WBP2NL: variants seen among roughly 807,000 people sequenced by gnomAD.
WBP2NL encodes WBP2 N-terminal like, also known as postacrosomal sheath WW domain-binding protein.
A neutral mutation model predicts 23.3 loss-of-function variants in WBP2NL; 27 were observed. The ratio of observed to expected loss-of-function variants is 1.16; its 90% CI spans 0.85 to 1.60. The LOEUF is 1.60. Among genes scored for constraint, WBP2NL ranks in the 40% most tolerant of loss-of-function variants. The pLI is 0.00. For synonymous variants in WBP2NL, 151 were observed against 145.9 expected, an observed-to-expected ratio of 1.03 and a Z score of -0.25; for missense variants, 370 against 389.5, an observed-to-expected ratio of 0.95 and a Z score of 0.42.
At chr22:42,056,568 G>A (rs1218292962) in intron 8 of WBP2NL, among the ~76,000 whole-genome samples, 1 of 152,180 alleles carries the variant, frequency 6.6e-6, no homozygotes, top group Admixed American at 6.5e-5. Flanking sequence ...GGTGGCTAGA[G>A]ATGAACTCTG....
chr22:42,056,391 C>T (rs773247896), intron 8 of WBP2NL, among the ~76,000 whole-genome samples: 1 of 152,106 alleles, frequency 6.6e-6, no homozygotes, highest in Non-Finnish European at 1.5e-5. Context: ...ATTTAAGTTA[C>T]CTTTTAAATC....
chr22:42,020,304 T>C (rs1923773737), intron 4 of WBP2NL, among the ~76,000 whole-genome samples: 2 of 152,102 alleles, frequency 1.3e-5, no homozygotes, highest in Non-Finnish European at 2.9e-5. Flanking sequence ...CCTCCCGAAG[T>C]GCTGGGGTTA....
chr22:42,023,186 GGTGT>G (rs1014946291), intron 5 of WBP2NL, among the ~76,000 whole-genome samples: 1 of 73,192 alleles, frequency 1.4e-5, no homozygotes, highest in Non-Finnish European at 3.1e-5. Context: ...TTCAAAAAGT[GGTGT>G]TTTTTTTTTT....
chr22:42,001,307 A>G (rs1291728064), intron 1 of WBP2NL: 2 of 692,842 alleles, frequency 2.9e-6, no homozygotes, highest in Non-Finnish European at 2.7e-6. Context: ...AACGGCAGTG[A>G]CAGTCTGTGC....
chr22:42,052,085 A>T (rs529294640), intron 8 of WBP2NL, among the ~76,000 whole-genome samples: 1 of 152,100 alleles, frequency 6.6e-6, no homozygotes, highest in Admixed American at 6.5e-5. Context: ...TTTAGTAAGG[A>T]AAATCATCTC....
chr22:42,047,762 T>C (rs1925655047), intron 8 of WBP2NL, among the ~76,000 whole-genome samples: 1 of 151,244 alleles, frequency 6.6e-6, no homozygotes, highest in African/African-American at 2.4e-5. Flanking sequence ...GCTGGGACTA[T>C]AGGCGCATGC....
At chr22:42,026,615 G>A in intron 5 of WBP2NL, 151 bp from the exon 6 acceptor site, 1 of 1,276,204 alleles carries the variant, frequency 7.8e-7, no homozygotes, top group East Asian at 2.4e-5. Context: ...CCTTCAATTG[G>A]TGATAGCTAG....
chr22:42,020,889 TA>T, intron 4 of WBP2NL, among the ~76,000 whole-genome samples: 3 of 65,588 alleles, frequency 4.6e-5, no homozygotes, highest in Non-Finnish European at 9.1e-5. Flanking sequence ...TATATATATA[TA>T]TATATATATA....
At position 42,056,973 on chromosome 22, in the gene WBP2NL, T is replaced by A. The variant is rs551788355; in HGVS notation, c.*274-1317T>A. 2.0e-5 allele frequency among the ~76,000 whole-genome samples: 3 copies of A among 152,322 alleles called. No individual in the cohort carries two copies. The East Asian group carries it at 5.8e-4, about 29-fold the overall frequency. The stretch of plus-strand genomic sequence containing the variant: ...CTTGTGTGATGAGTTGCTTTTATCT[T>A]GCCTCTTTCAAAATTCTGTCTTTTG... On this transcript the variant is annotated intron_variant and NMD_transcript_variant, in intron 8 of 8. Coordinates refer to the WBP2NL transcript ENST00000436265.
intron 8 of WBP2NL, among the ~76,000 whole-genome samples, chr22:42,050,653 C>A (rs1290983135): frequency 7.5e-6 from 1 of 132,808 alleles, no homozygotes; most frequent in East Asian, 2.2e-4. Context: ...ATTCCCCCGT[C>A]CCCTCCCAAA....
chr22:42,048,435 T>TA (rs1925684325), intron 8 of WBP2NL, among the ~76,000 whole-genome samples: 2 of 149,114 alleles, frequency 1.3e-5, no homozygotes, highest in African/African-American at 5.0e-5. Flanking sequence ...AAAAAGCTCT[T>TA]AAAAAATCTA....
At chr22:42,007,250 C>T (rs1222263678) in intron 1 of WBP2NL, among the ~76,000 whole-genome samples, 1 of 151,864 alleles carries the variant, frequency 6.6e-6, no homozygotes, top group Non-Finnish European at 1.5e-5. Context: ...TTTTTTTGGT[C>T]ATTACTATAA....
At chr22:42,005,151 A>C (rs1304834216) in intron 1 of WBP2NL, among the ~76,000 whole-genome samples, 2 of 151,752 alleles carry the variant, frequency 1.3e-5, no homozygotes, top group African/African-American at 4.8e-5. Flanking sequence ...CAGGAGGCGG[A>C]GGTTGCAATG....
intron 1 of WBP2NL, among the ~76,000 whole-genome samples, chr22:42,005,940 C>T (rs1602440251): frequency 6.6e-6 from 1 of 152,268 alleles, no homozygotes; most frequent in South Asian, 2.1e-4. Context: ...AGGTCAAGAG[C>T]AAATGTCATG....
At chr22:42,010,892 A>G (rs1392638024) in intron 1 of WBP2NL, among the ~76,000 whole-genome samples, 1 of 152,130 alleles carries the variant, frequency 6.6e-6, no homozygotes, top group East Asian at 1.9e-4. Flanking sequence ...TGATGATCGC[A>G]TGGTTTTTTC....
At chr22:42,010,205 C>T (rs1427230371) in intron 1 of WBP2NL, among the ~76,000 whole-genome samples, 1 of 152,168 alleles carries the variant, frequency 6.6e-6, no homozygotes, top group Admixed American at 6.5e-5. Context: ...TTGGTGGACT[C>T]TTTAAGTTTA....
chr22:42,001,740 C>T (rs913302192), intron 1 of WBP2NL: 1 of 1,201,160 alleles, frequency 8.3e-7, no homozygotes, highest in Non-Finnish European at 1.2e-6. Context: ...TCTGATGACA[C>T]TGGCCAGGTT....
In WBP2NL at chr22:42,001,877, C is replaced by T. The variant is rs368154083; in HGVS notation, c.62+2997C>T. 160 of 1,461,176 alleles carry T rather than the reference C, an allele frequency of 1.1e-4. 1 individual carries two copies. The East Asian group carries it at 2.1e-3, about 19-fold the overall frequency. 90.5% of individuals were successfully genotyped at this position (1,461,176 alleles called of 1,614,324 possible). On this transcript the variant is annotated intron_variant, in intron 1 of 5. Coordinates refer to ENST00000328823, the MANE Select transcript of WBP2NL (RefSeq NM_152613.3). ...GCACCTGTAGCAGCAGCTTGACCCG[C>T]TCGATGGGTGCTACCGCCATCTTGG...
intron 4 of WBP2NL, among the ~76,000 whole-genome samples, chr22:42,021,004 C>T (rs929051677): frequency 2.1e-5 from 3 of 143,430 alleles, no homozygotes; most frequent in African/African-American, 7.8e-5. Context: ...ACTGCAACCT[C>T]CACCTCCCGG....
Sources: allele counts gnomAD v4.1 joint callset (sites outside exome capture counted in the v4.1 genomes callset), GRCh38; gene constraint gnomAD v4.1.1; transcripts MANE v1.5; gene names NCBI Gene and HGNC (gene_info 2026-07-23, HGNC 2026-07-21).